The following PPFIA4 variants were observed in gnomAD, a reference collection of about 807,000 sequenced individuals.
PPFIA4 encodes PPFI scaffold protein A4, also known as liprin-alpha-4.
PPFIA4 carries 98 observed loss-of-function variants against 145.7 expected under a neutral mutation model. That is an observed-to-expected ratio of 0.67 (90% CI 0.57 to 0.80). The LOEUF is 0.80. PPFIA4 is among the 30% of genes least tolerant of loss of function. PPFIA4 has a pLI of 0.00. For missense variants in PPFIA4, 1,457 were observed against 1,632.7 expected, an observed-to-expected ratio of 0.89 and a Z score of 1.85; for synonymous variants, 628 against 649.6, an observed-to-expected ratio of 0.97 and a Z score of 0.51.
rs562361303 is a variant in PPFIA4, at chr1:203,075,812, C to G, written c.3574+55C>G. 4 of 1,342,946 alleles carry G rather than the reference C, an allele frequency of 3.0e-6. No homozygotes were observed. The East Asian group carries it at 1.2e-4, about 42-fold the overall frequency. The allele number at this position is 1,342,946 out of a possible 1,614,324, so 83.2% of individuals were successfully genotyped here. On this transcript the variant is annotated intron_variant, in intron 29 of 29. Coordinates refer to ENST00000295706, the MANE Select transcript of PPFIA4 (RefSeq NM_001304331.2). The surrounding 1 kb of genome is among the most constrained non-coding windows in gnomAD (Gnocchi z 4.1). Reference sequence around the variant, plus strand: ...AGGCCCAGCCGAGCGCGGGCTTCTTCCTGGCACCCCAGGGCCGGGCCGGGT... The same window carrying G: ...AGGCCCAGCCGAGCGCGGGCTTCTTGCTGGCACCCCAGGGCCGGGCCGGGT...
At chr1:203,026,864 G>A (rs961521602) in intron 1 of PPFIA4, among the ~76,000 whole-genome samples, 1 of 152,210 alleles carries the variant, frequency 6.6e-6, no homozygotes, top group African/African-American at 2.4e-5. Context: ...TCTGCGGGGA[G>A]GGCGTGGAGT....
At chr1:203,051,906 A>G in intron 14 of PPFIA4, 29 bp downstream of exon 14, 2 of 1,606,800 alleles carry the variant, frequency 1.2e-6, no homozygotes, top group East Asian at 4.5e-5. Context: ...CTCCTCAGGG[A>G]GTTTGGGGTC....
chr1:203,067,480 CTGAG>C, intron 25 of PPFIA4: 1 of 510,874 alleles, frequency 2.0e-6, no homozygotes, highest in South Asian at 2.9e-5. Flanking sequence ...CGCTCCCTGA[CTGAG>C]AGGGAGGATA....
intron 14 of PPFIA4, 130 bp downstream of exon 14, chr1:203,052,007 GC>G (rs1277436849): frequency 3.0e-6 from 3 of 1,012,442 alleles, no homozygotes; most frequent in Admixed American, 2.4e-5. Context: ...GACAGCTGCA[GC>G]CCTGGGGTTG....
rs1018073761 is a variant in PPFIA4 at position 203,076,553 on chromosome 1, T to C, written c.*163T>C. Reference sequence around the variant, plus strand: ...ATTCGTCCACCCCCTCGGCACCCCATTACCCCGAGTCCCACCGTGTGTCCG... The same window carrying C: ...ATTCGTCCACCCCCTCGGCACCCCACTACCCCGAGTCCCACCGTGTGTCCG... On this transcript the variant is annotated 3_prime_UTR_variant, in exon 30 of 30. Transcript: ENST00000295706. The C allele has an allele frequency of 1.5e-6, 1 of 675,792 alleles. No homozygotes were observed. The allele number at this position is 675,792 out of a possible 1,614,324, so 41.9% of individuals were successfully genotyped here.
Position 203,075,915 on chromosome 1 carries a change from G to A in PPFIA4, c.3574+158G>A, listed in dbSNP as rs941413505. 4.1e-6 allele frequency: 3 copies of A among 730,134 alleles called. No individual in the cohort carries two copies. The highest frequency in any genetic ancestry group is 1.9e-5 in the African/African-American group (1 of 53,602). The allele number at this position is 730,134 out of a possible 1,614,324, so 45.2% of individuals were successfully genotyped here. ...CTAACGCTCCGCGGGGAGCGTGTGTGCGCACTAACCCGCCGCTCTGTGTGT... is the reference window on the plus strand; with the variant it reads ...CTAACGCTCCGCGGGGAGCGTGTGTACGCACTAACCCGCCGCTCTGTGTGT... On this transcript the variant is annotated intron_variant, in intron 29 of 29. Transcript: ENST00000295706. This position sits in a 1 kb window ranked among gnomAD's most constrained non-coding sequence, Gnocchi z 4.1.
intron 19 of PPFIA4, 44 bp downstream of exon 19, chr1:203,056,994 C>T: frequency 6.2e-7 from 1 of 1,606,494 alleles, no homozygotes; most frequent in Non-Finnish European, 8.5e-7. Flanking sequence ...GGCATTGGGG[C>T]ATCAGAAGCA....
At chr1:203,056,669 C>G (rs1418760301) in intron 18 of PPFIA4, 115 bp from the exon 19 acceptor site, 1 of 1,293,426 alleles carries the variant, frequency 7.7e-7, no homozygotes, top group Non-Finnish European at 1.1e-6. Flanking sequence ...CTCCTTTTCC[C>G]CCATCCCAGT....
At chr1:203,034,710 C>G (rs1221859335) in intron 1 of PPFIA4, 2 of 456,640 alleles carry the variant, frequency 4.4e-6, no homozygotes, top group Non-Finnish European at 8.8e-6. Context: ...CAGAGGCCTT[C>G]CCCAGGCTGG....
intron 28 of PPFIA4, among the ~76,000 whole-genome samples, chr1:203,074,926 C>A (rs1437638670): frequency 6.6e-6 from 1 of 152,036 alleles, no homozygotes; most frequent in African/African-American, 2.4e-5. Context: ...TCTGCCTGAC[C>A]CATCCCTGTT....
chr1:203,050,946 G>T (rs1660465179), intron 13 of PPFIA4, among the ~76,000 whole-genome samples: 1 of 151,848 alleles, frequency 6.6e-6, no homozygotes, highest in Non-Finnish European at 1.5e-5. Flanking sequence ...ATTCATCGTG[G>T]AATTGGGGCT....
Position 203,056,877 on chromosome 1 carries a change from C to T in PPFIA4, c.2334C>T (p.Ser778=). Residue 778 remains serine (S), a synonymous_variant, in exon 19 of 30, where the codon TCC becomes TCT. Coordinates refer to ENST00000295706, the MANE Select transcript of PPFIA4 (RefSeq NM_001304331.2). ...KGAKRKGIKS[S]IGRLFGKKEK... ...CCAAGCGCAAGGGCATCAAGTCGTCCATTGGCCGCCTGTTTGGGAAGAAGG... is the reference window on the plus strand; with the variant it reads ...CCAAGCGCAAGGGCATCAAGTCGTCTATTGGCCGCCTGTTTGGGAAGAAGG... 6.2e-7 allele frequency: 1 copy of T among 1,614,080 alleles called. No individual in the cohort carries two copies. The highest frequency in any genetic ancestry group is 8.5e-7 in the Non-Finnish European group (1 of 1,179,908).
intron 1 of PPFIA4, among the ~76,000 whole-genome samples, chr1:203,031,268 G>C (rs374785308): frequency 7.2e-5 from 11 of 152,208 alleles, no homozygotes; most frequent in African/African-American, 2.4e-4. Flanking sequence ...ATGTTGCCCA[G>C]GCTGGTTTCT....
Position 203,068,698 on chromosome 1 carries a change from C to T in PPFIA4, c.3324+70C>T. The T allele has an allele frequency of 1.4e-6, 2 of 1,382,086 alleles. No individual in the cohort carries two copies. Among genetic ancestry groups the T allele is most frequent in the East Asian group, 5.7e-5 (2 of 34,834 alleles). The allele number at this position is 1,382,086 out of a possible 1,614,324, so 85.6% of individuals were successfully genotyped here. The stretch of plus-strand genomic sequence containing the variant: ...CCTCACTTGCTCTCTTTCTTTCCCT[C>T]ATACACAAAGGCTTAGGTATCTTGG... On this transcript the variant is annotated intron_variant, in intron 27 of 29. Coordinates refer to ENST00000295706, the MANE Select transcript of PPFIA4 (RefSeq NM_001304331.2). This position sits in a 1 kb window ranked among gnomAD's most constrained non-coding sequence, Gnocchi z 4.7.
Position 203,043,550 on chromosome 1 carries a change from A to T in PPFIA4, c.336+52A>T. On this transcript the variant is annotated intron_variant, in intron 3 of 29. Coordinates refer to ENST00000295706, the MANE Select transcript of PPFIA4 (RefSeq NM_001304331.2). The surrounding 1 kb of genome is among the most constrained non-coding windows in gnomAD (Gnocchi z 4.4). ...CGCGCGCACGTGTGTGTGTGTGTGT[A>T]TGGGGGTGTGTTGTGAACACCTTGA... The T allele has an allele frequency of 7.0e-7, 1 of 1,423,486 alleles. No individual in the cohort carries two copies. The highest frequency in any genetic ancestry group is 1.2e-5 in the South Asian group (1 of 81,504). The allele number at this position is 1,423,486 out of a possible 1,614,324, so 88.2% of individuals were successfully genotyped here.
In PPFIA4 at chr1:203,068,347, AG is replaced by A; in HGVS notation, c.3149-103del. 1.5e-6 allele frequency: 1 copy of A among 664,368 alleles called. No homozygotes were observed. The highest frequency in any genetic ancestry group is 2.2e-6 in the Non-Finnish European group (1 of 451,276). The allele number at this position is 664,368 out of a possible 1,614,324, so 41.2% of individuals were successfully genotyped here. ...AGGGATGGAGTGGGGGTCAGAGAGC[AG>A]GGTGGACTGCGGCTCTGGGTTTAGG... On this transcript the variant is annotated intron_variant, in intron 26 of 29. Transcript: ENST00000295706. The surrounding 1 kb of genome is among the most constrained non-coding windows in gnomAD (Gnocchi z 4.7).
In PPFIA4 at chr1:203,075,653, G is replaced by A. The variant is rs1662476459; in HGVS notation, c.3470G>A (p.Gly1157Asp). Residue 1157 changes from glycine to aspartate, a missense_variant, in exon 29 of 30, where the codon GGC becomes GAC. Gly to Asp is a moderately conservative substitution (Grantham distance 94, BLOSUM62 -1). This residue lies in a region of PPFIA4 where 146 missense variants were observed against 126.2 expected (regional missense o/e 1.16). Transcript: ENST00000295706. The surrounding 1 kb of genome is among the most constrained non-coding windows in gnomAD (Gnocchi z 4.1). ...CCGCGGGAGCACCACGGTCGCGGCG[G>A]CATGCTCAGCGCTTCCGCGGAGACC... is the stretch of plus-strand genomic sequence containing the variant. ...FRPREHHGRG[G>D]MLSASAETLP... 5 of 1,507,138 alleles carry A rather than the reference G, an allele frequency of 3.3e-6. No individual in the cohort carries two copies. Among genetic ancestry groups the A allele is most frequent in the Non-Finnish European group, 4.4e-6 (5 of 1,126,774 alleles). 93.4% of individuals were successfully genotyped at this position (1,507,138 alleles called of 1,614,324 possible). A position where few individuals can be genotyped will look rare whatever the true frequency, so the allele number is the denominator to read the frequency against.
chr1:203,041,682 G>T (rs1659703276), intron 2 of PPFIA4, among the ~76,000 whole-genome samples: 1 of 152,176 alleles, frequency 6.6e-6, no homozygotes, highest in African/African-American at 2.4e-5. Context: ...GGTATCCTGT[G>T]GTGGGGGGAG....
Position 203,039,187 on chromosome 1 carries a change from A to C in PPFIA4, c.179A>C (p.Asp60Ala), listed in dbSNP as rs1489480097. ...GCGGCCACACAGAGCCGGCTCCAGG[A>C]TGCCATACACGAGCGGGACCAGCTC... ...TLAATQSRLQ[D>A]AIHERDQLQR... The change falls in exon 2 of 30, where the codon GAT becomes GCT. Residue 60 changes from aspartate (D) to alanine (A), a missense_variant. Asp to Ala is a moderately radical substitution (Grantham distance 126). This residue lies in a region of PPFIA4 where 463 missense variants were observed against 459.8 expected (regional missense o/e 1.01). Transcript: ENST00000295706. 6.2e-7 allele frequency: 1 copy of C among 1,607,506 alleles called. No homozygotes were observed. Among genetic ancestry groups the C allele is most frequent in the South Asian group, 1.1e-5 (1 of 90,142 alleles).
Sources: allele counts gnomAD v4.1 joint callset (sites outside exome capture counted in the v4.1 genomes callset), GRCh38; gene constraint gnomAD v4.1.1; regional missense constraint gnomAD v4.1.1; non-coding constraint Gnocchi (gnomAD v3.1); transcripts MANE v1.5; gene names NCBI Gene and HGNC (gene_info 2026-07-23, HGNC 2026-07-21).